Variants in PTPRT observed in about 807,000 individuals in gnomAD.
PTPRT encodes receptor-type tyrosine-protein phosphatase T.
PTPRT carries 56 observed loss-of-function variants against 176.8 expected under a neutral mutation model. The ratio of observed to expected loss-of-function variants is 0.32; its 90% CI spans 0.26 to 0.40. The LOEUF (loss-of-function observed/expected upper bound fraction) is 0.40. PTPRT is among the 10% of genes least tolerant of loss of function. The pLI, the probability that PTPRT is intolerant of heterozygous loss-of-function variation, is 1.00. For missense variants in PTPRT, 1,540 were observed against 1,908.2 expected (o/e 0.81, Z 3.60); for synonymous variants, 783 against 739.0 (o/e 1.06, Z -0.96).
At chr20:42,519,694 C>T (rs572188249) in intron 7 of PTPRT, among the ~76,000 whole-genome samples, 1 of 152,094 alleles carries the variant, frequency 6.6e-6, no homozygotes, top group South Asian at 2.1e-4. Flanking sequence ...CTTATTTGAT[C>T]AATTTTATGC....
In PTPRT at chr20:42,213,276, G is replaced by C. The variant is rs75134670; in HGVS notation, c.2343-13888C>G. The stretch of plus-strand genomic sequence containing the variant: ...CCCACTCTTCAGCAGGTCTGAATTA[G>C]TAAAGTTTCATTCTTGAAAATGGAA... On this transcript the variant is annotated intron_variant, in intron 15 of 30. Transcript: ENST00000373187. Among the ~76,000 whole-genome samples, 658 of 72,318 alleles carry C rather than the reference G, an allele frequency of 9.1e-3. 3 individuals carry two copies. The highest frequency in any genetic ancestry group is 0.021 in the African/African-American group (634 of 29,928). 47.4% of individuals were successfully genotyped at this position (72,318 alleles called of 152,430 possible).
the PTPRT span, chr20:42,064,051 A>G: frequency 2.0e-5 from 3 of 151,166 alleles, no homozygotes; most frequent in Non-Finnish European, 4.4e-5. Context: ...ATCAGGGGAT[A>G]CTAGATAATA....
At chr20:43,085,504 C>T (rs1183612190) in intron 1 of PTPRT, among the ~76,000 whole-genome samples, 2 of 152,064 alleles carry the variant, frequency 1.3e-5, no homozygotes. Context: ...AAAGACATAC[C>T]CGAGACTGGG....
chr20:42,520,847 A>AGATC (rs1346192971), intron 7 of PTPRT, among the ~76,000 whole-genome samples: 1 of 129,620 alleles, frequency 7.7e-6, no homozygotes, highest in Admixed American at 7.3e-5. Flanking sequence ...GTGTGTAGAT[A>AGATC]GATAGATAGA....
intron 15 of PTPRT, among the ~76,000 whole-genome samples, chr20:42,204,169 A>G (rs1373200645): frequency 6.6e-6 from 1 of 152,246 alleles, no homozygotes; most frequent in East Asian, 1.9e-4. Context: ...ATTCGTAACT[A>G]GAAATATTTT....
chr20:42,096,698 C>G (rs1449070707), intron 27 of PTPRT, among the ~76,000 whole-genome samples: 1 of 152,106 alleles, frequency 6.6e-6, no homozygotes, highest in Non-Finnish European at 1.5e-5. Context: ...ATCCTCCCGC[C>G]TCAGCCTCCT....
chr20:42,119,013 G>GAAAAAAAAAA (rs11415242), intron 20 of PTPRT, among the ~76,000 whole-genome samples: 2 of 29,224 alleles, frequency 6.8e-5, no homozygotes, highest in African/African-American at 1.4e-4. Context: ...AGAAAGGAAG[G>GAAAAAAAAAA]AAAAAAAAAA....
chr20:43,185,619 C>G (rs1239524554), intron 1 of PTPRT, among the ~76,000 whole-genome samples: 4 of 152,110 alleles, frequency 2.6e-5, no homozygotes, highest in Non-Finnish European at 4.4e-5. Flanking sequence ...TGCAGGGAAT[C>G]AAGCCCCTGA....
intron 2 of PTPRT, among the ~76,000 whole-genome samples, chr20:42,862,147 TTTTGCA>T (rs2078673624): frequency 6.6e-6 from 1 of 152,180 alleles, no homozygotes; most frequent in Non-Finnish European, 1.5e-5. Flanking sequence ...ATCTGGTGTA[TTTTGCA>T]TTTAGAGTAC....
intron 2 of PTPRT, among the ~76,000 whole-genome samples, chr20:42,826,179 C>T (rs2077989388): frequency 6.6e-6 from 1 of 152,038 alleles, no homozygotes; most frequent in African/African-American, 2.4e-5. Flanking sequence ...CTGAAACCAA[C>T]ATACTGAGTG....
intron 9 of PTPRT, among the ~76,000 whole-genome samples, chr20:42,368,044 A>G (rs937235078): frequency 1.2e-4 from 18 of 152,056 alleles, no homozygotes; most frequent in Admixed American, 6.5e-4. Flanking sequence ...ACCTGAGAGG[A>G]CAAGTTGGTG....
chr20:42,476,714 C>T (rs141648163), intron 7 of PTPRT, among the ~76,000 whole-genome samples: 125 of 152,260 alleles, frequency 8.2e-4, no homozygotes, highest in Non-Finnish European at 1.6e-3. Flanking sequence ...TCTGAGAACT[C>T]GCATTCAGGA....
chr20:42,303,152 C>T (rs537474785), intron 12 of PTPRT, among the ~76,000 whole-genome samples: 26 of 152,288 alleles, frequency 1.7e-4, no homozygotes, highest in African/African-American at 2.6e-4. Flanking sequence ...TGCTTCCCTG[C>T]GCAGCTCTTA....
intron 1 of PTPRT, among the ~76,000 whole-genome samples, chr20:43,127,872 C>T (rs189296328): frequency 6.2e-4 from 94 of 152,316 alleles, no homozygotes; most frequent in African/African-American, 2.2e-3. Flanking sequence ...TAGACTTAGG[C>T]TAACCTCTAC....
chr20:42,940,625 A>G (rs138095095), intron 1 of PTPRT, among the ~76,000 whole-genome samples: 175 of 152,266 alleles, frequency 1.1e-3, no homozygotes, highest in African/African-American at 3.9e-3. Flanking sequence ...TGGGGGAAAA[A>G]AAAAGAAAAA....
At chr20:43,022,643 C>A (rs1236599119) in intron 1 of PTPRT, among the ~76,000 whole-genome samples, 1 of 152,150 alleles carries the variant, frequency 6.6e-6, no homozygotes, top group Non-Finnish European at 1.5e-5. Context: ...CCAGAACAGG[C>A]AGAGAGGACC....
chr20:43,058,223 A>C (rs1987318786), intron 1 of PTPRT, among the ~76,000 whole-genome samples: 1 of 152,058 alleles, frequency 6.6e-6, no homozygotes, highest in African/African-American at 2.4e-5. Flanking sequence ...GTAAGAGGGG[A>C]GGAAAAAAAG....
At chr20:42,041,640 A>G in the PTPRT span, among the ~76,000 whole-genome samples, 2 of 152,164 alleles carry the variant, frequency 1.3e-5, no homozygotes, top group East Asian at 1.9e-4. Flanking sequence ...ATGGCTTTCC[A>G]TTGCAGGCTG....
chr20:42,330,820 C>A (rs1328009447), intron 11 of PTPRT, among the ~76,000 whole-genome samples: 5 of 152,186 alleles, frequency 3.3e-5, no homozygotes, highest in African/African-American at 1.2e-4. Flanking sequence ...GCTGCAGGGG[C>A]CCTGCTCCTG....
Sources: allele counts gnomAD v4.1 joint callset (sites outside exome capture counted in the v4.1 genomes callset), GRCh38; gene constraint gnomAD v4.1.1; transcripts MANE v1.5; gene names NCBI Gene and HGNC (gene_info 2026-07-23, HGNC 2026-07-21).